TUSC3: variants seen among roughly 807,000 people sequenced by gnomAD.
TUSC3 encodes dolichyl-diphosphooligosaccharide--protein glycosyltransferase subunit TUSC3.
A neutral mutation model predicts 44.8 loss-of-function variants in TUSC3; 45 were observed. That is an observed-to-expected ratio of 1.00 (90% CI 0.79 to 1.29). The LOEUF (loss-of-function observed/expected upper bound fraction) is 1.29, where lower values mean the gene tolerates loss of function less well. TUSC3 is among the 50% of genes most tolerant of loss of function. The pLI is 0.00. For synonymous variants in TUSC3, 212 were observed against 152.9 expected (o/e 1.39, Z -2.85); for missense variants, 519 against 437.9 (o/e 1.19, Z -1.65).
chr8:15,711,871 C>T (rs1425012972), intron 6 of TUSC3, among the ~76,000 whole-genome samples: 2 of 151,828 alleles, frequency 1.3e-5, no homozygotes, highest in Non-Finnish European at 2.9e-5. Flanking sequence ...GCTTCCTCCT[C>T]CCTGCCACCC....
the TUSC3 span, among the ~76,000 whole-genome samples, chr8:15,839,832 A>G: frequency 7.2e-5 from 11 of 152,196 alleles, no homozygotes; most frequent in Non-Finnish European, 1.0e-4. Flanking sequence ...TTCCTCAGGG[A>G]TCTAGAACTA....
At chr8:15,614,383 A>C (rs114236837) in intron 1 of TUSC3, among the ~76,000 whole-genome samples, 2 of 152,162 alleles carry the variant, frequency 1.3e-5, no homozygotes, top group Non-Finnish European at 2.9e-5. Context: ...TACAACCATC[A>C]CTAGAAATCA....
chr8:15,481,045 C>T (rs959104737), intron 1 of TUSC3, among the ~76,000 whole-genome samples: 7 of 151,894 alleles, frequency 4.6e-5, no homozygotes, highest in East Asian at 1.9e-4. Context: ...GTCAGGAGTT[C>T]GAGACCAGCC....
intron 1 of TUSC3, among the ~76,000 whole-genome samples, chr8:15,471,751 G>A (rs561498475): frequency 8.4e-4 from 127 of 151,980 alleles, no homozygotes; most frequent in African/African-American, 3.0e-3. Context: ...CCAAGTAGCT[G>A]GGATTGCAGG....
At chr8:15,839,271 G>A in the TUSC3 span, among the ~76,000 whole-genome samples, 1 of 152,036 alleles carries the variant, frequency 6.6e-6, no homozygotes, top group African/African-American at 2.4e-5. Context: ...GAGATGATGG[G>A]GTTTTCTAAA....
chr8:15,810,306 T>C, the TUSC3 span, among the ~76,000 whole-genome samples: 9 of 152,096 alleles, frequency 5.9e-5, no homozygotes, highest in Admixed American at 2.6e-4. Flanking sequence ...ATTTCCTCCT[T>C]GCCAATTCAC....
chr8:15,680,821 T>C (rs1808394759), intron 6 of TUSC3, among the ~76,000 whole-genome samples: 1 of 152,158 alleles, frequency 6.6e-6, no homozygotes, highest in Non-Finnish European at 1.5e-5. Flanking sequence ...TGAAAGCTTT[T>C]TCTGTGCCTA....
At chr8:15,676,749 C>G (rs902019909) in intron 6 of TUSC3, among the ~76,000 whole-genome samples, 1 of 152,174 alleles carries the variant, frequency 6.6e-6, no homozygotes, top group African/African-American at 2.4e-5. Context: ...AGAAAATCAT[C>G]CAGCTCCAAA....
At chr8:15,729,127 CAG>C (rs1810612243) in intron 6 of TUSC3, among the ~76,000 whole-genome samples, 1 of 152,096 alleles carries the variant, frequency 6.6e-6, no homozygotes, top group Admixed American at 6.6e-5. Context: ...TTGTGATCTT[CAG>C]AGAGGCAAAC....
intron 2 of TUSC3, among the ~76,000 whole-genome samples, chr8:15,530,063 G>A (rs1801430457): frequency 6.7e-6 from 1 of 150,330 alleles, no homozygotes; most frequent in Non-Finnish European, 1.5e-5. Flanking sequence ...GGGATTACAG[G>A]CGTGAGCCAC....
the TUSC3 span, among the ~76,000 whole-genome samples, chr8:15,819,572 C>A: frequency 6.6e-6 from 1 of 152,160 alleles, no homozygotes; most frequent in Non-Finnish European, 1.5e-5. Context: ...CCATCAACTC[C>A]TTTGTTTTCA....
At chr8:15,800,292 G>C in the TUSC3 span, among the ~76,000 whole-genome samples, 4 of 152,108 alleles carry the variant, frequency 2.6e-5, no homozygotes, top group Admixed American at 2.6e-4. Context: ...TCTCAGGCTG[G>C]GCATGGTAGC....
chr8:15,555,200 G>C (rs1372275851), intron 1 of TUSC3, among the ~76,000 whole-genome samples: 3 of 130,294 alleles, frequency 2.3e-5, no homozygotes, highest in Non-Finnish European at 3.2e-5. Flanking sequence ...CCAGGGTGGA[G>C]TGTAGTGGTG....
At chr8:15,796,276 G>T in the TUSC3 span, among the ~76,000 whole-genome samples, 1 of 152,050 alleles carries the variant, frequency 6.6e-6, no homozygotes, top group African/African-American at 2.4e-5. Context: ...ACAGACTCAT[G>T]TGGTGTATCT....
Position 15,763,902 on chromosome 8 carries a change from T to G in TUSC3, c.*47-301T>G, listed in dbSNP as rs147924947. Reference sequence around the variant, plus strand: ...CTTGTATTTCCCCTACATTACCATTTTAAATGCTGATTTAACTGCTGTTCT... The same window carrying G: ...CTTGTATTTCCCCTACATTACCATTGTAAATGCTGATTTAACTGCTGTTCT... On this transcript the variant is annotated intron_variant, in intron 10 of 10. Coordinates refer to ENST00000503731, the MANE Select transcript of TUSC3 (RefSeq NM_006765.4). Among the ~76,000 whole-genome samples, 438 of 152,192 alleles carry G rather than the reference T, an allele frequency of 2.9e-3. 3 individuals carry two copies. Among genetic ancestry groups the G allele is most frequent in the African/African-American group, 0.01 (422 of 41,564 alleles).
chr8:15,475,773 T>C (rs1338407966), intron 1 of TUSC3, among the ~76,000 whole-genome samples: 2 of 152,176 alleles, frequency 1.3e-5, no homozygotes, highest in Admixed American at 6.5e-5. Flanking sequence ...AAGGAACTAG[T>C]TTGCATTTTA....
At chr8:15,843,638 A>G in the TUSC3 span, among the ~76,000 whole-genome samples, 1 of 150,822 alleles carries the variant, frequency 6.6e-6, no homozygotes, top group Admixed American at 6.6e-5. Context: ...ACATACACAT[A>G]TATACATCTA....
At chr8:15,613,232 G>C (rs1804839771) in intron 1 of TUSC3, among the ~76,000 whole-genome samples, 1 of 129,854 alleles carries the variant, frequency 7.7e-6, no homozygotes, top group South Asian at 2.3e-4. Context: ...GTCTTACAGT[G>C]CTTTTTTTTT....
intron 9 of TUSC3, among the ~76,000 whole-genome samples, chr8:15,751,602 T>C (rs998305500): frequency 6.6e-6 from 1 of 152,218 alleles, no homozygotes; most frequent in Non-Finnish European, 1.5e-5. Flanking sequence ...TTTGGACTCC[T>C]TGGAGGTGTT....
Sources: allele counts gnomAD v4.1 joint callset (sites outside exome capture counted in the v4.1 genomes callset), GRCh38; gene constraint gnomAD v4.1.1; transcripts MANE v1.5; gene names NCBI Gene and HGNC (gene_info 2026-07-23, HGNC 2026-07-21).